Variants in UVRAG observed in about 807,000 individuals in gnomAD.
UVRAG encodes UV radiation resistance associated, also known as UV radiation resistance-associated gene protein.
Under a neutral mutation model 78.0 loss-of-function variants are expected in UVRAG, and 19 were observed. The observed-to-expected ratio is 0.24, with a 90% CI of 0.17 to 0.36. UVRAG has a LOEUF of 0.36. UVRAG is among the 10% of genes least tolerant of loss of function. UVRAG has a pLI of 1.00. For synonymous variants in UVRAG, 323 were observed against 324.6 expected (o/e 1.00, Z 0.05); for missense variants, 740 against 853.8 (o/e 0.87, Z 1.66).
chr11:76,128,363 G>T (rs73500004), intron 14 of UVRAG, among the ~76,000 whole-genome samples: 1 of 152,076 alleles, frequency 6.6e-6, no homozygotes, highest in Admixed American at 6.6e-5. Context: ...CCCTGCCCAC[G>T]GCCCATGGAA....
chr11:75,925,011 A>G (rs1419725531), intron 6 of UVRAG, among the ~76,000 whole-genome samples: 1 of 152,208 alleles, frequency 6.6e-6, no homozygotes, highest in Non-Finnish European at 1.5e-5. Context: ...AGTTAAGTAT[A>G]TGTAGTCTTC....
At chr11:76,006,908 A>G (rs1348320488) in intron 9 of UVRAG, among the ~76,000 whole-genome samples, 3 of 152,166 alleles carry the variant, frequency 2.0e-5, no homozygotes, top group African/African-American at 7.2e-5. Flanking sequence ...CTCTCTAAAT[A>G]TTGTTTCCTT....
intron 6 of UVRAG, among the ~76,000 whole-genome samples, chr11:75,931,105 G>GT (rs934350274): frequency 1.3e-5 from 2 of 150,828 alleles, no homozygotes; most frequent in East Asian, 1.9e-4. Context: ...TTCATTTTAT[G>GT]TTTTTTTGGG....
intron 12 of UVRAG, among the ~76,000 whole-genome samples, chr11:76,039,244 G>C (rs1355568696): frequency 1.3e-5 from 2 of 152,230 alleles, no homozygotes; most frequent in East Asian, 3.9e-4. Flanking sequence ...TGTGGTACTT[G>C]GTAAAGCATC....
chr11:76,030,186 C>A (rs1190637193), intron 12 of UVRAG, among the ~76,000 whole-genome samples: 1 of 151,560 alleles, frequency 6.6e-6, no homozygotes, highest in Non-Finnish European at 1.5e-5. Flanking sequence ...TATTGAGATA[C>A]TCACTTTATT....
intron 4 of UVRAG, among the ~76,000 whole-genome samples, chr11:75,884,998 GT>G (rs1372009973): frequency 6.7e-5 from 10 of 150,100 alleles, no homozygotes; most frequent in African/African-American, 2.5e-4. Flanking sequence ...GAGTCTTTCA[GT>G]CTATAGATAT....
chr11:75,946,539 C>G (rs539499285), intron 6 of UVRAG, among the ~76,000 whole-genome samples: 2 of 152,322 alleles, frequency 1.3e-5, no homozygotes, highest in Admixed American at 1.3e-4. Context: ...ACTTGGTTCT[C>G]TGCTTATGGT....
intron 6 of UVRAG, among the ~76,000 whole-genome samples, chr11:75,928,177 C>G (rs568400145): frequency 1.2e-4 from 19 of 152,142 alleles, no homozygotes; most frequent in Non-Finnish European, 2.4e-4. Context: ...AGCTGTGATC[C>G]AGCAATCAGA....
chr11:76,018,161 T>C (rs1950180919), intron 12 of UVRAG, among the ~76,000 whole-genome samples: 1 of 152,208 alleles, frequency 6.6e-6, no homozygotes, highest in African/African-American at 2.4e-5. Context: ...GTAAAGGTAC[T>C]AATTTATATT....
At chr11:75,960,461 A>G (rs1466556542) in intron 6 of UVRAG, among the ~76,000 whole-genome samples, 1 of 152,218 alleles carries the variant, frequency 6.6e-6, no homozygotes, top group African/African-American at 2.4e-5. Flanking sequence ...TAAGAAATAC[A>G]TGAGCTATAT....
chr11:76,130,297 T>G (rs1952491205), intron 14 of UVRAG, among the ~76,000 whole-genome samples: 1 of 152,188 alleles, frequency 6.6e-6, no homozygotes, highest in South Asian at 2.1e-4. Flanking sequence ...TGTTTGACAT[T>G]GATGTATGTG....
intron 6 of UVRAG, among the ~76,000 whole-genome samples, chr11:75,917,239 C>T (rs1014452732): frequency 1.3e-5 from 2 of 152,174 alleles, no homozygotes; most frequent in Admixed American, 1.3e-4. Flanking sequence ...TGATTTCTGT[C>T]ACTCATAATT....
At chr11:76,005,769 C>T (rs563615194) in intron 9 of UVRAG, among the ~76,000 whole-genome samples, 52 of 152,294 alleles carry the variant, frequency 3.4e-4, no homozygotes, top group African/African-American at 1.2e-3. Flanking sequence ...TCCTTGGATT[C>T]GATTAATTTG....
At chr11:75,838,997 G>C (rs1319313263) in intron 1 of UVRAG, 1 of 152,230 alleles carries the variant, frequency 6.6e-6, no homozygotes, top group African/African-American at 2.4e-5. Context: ...CAGCAAAAAG[G>C]CTCTCACCAG....
At chr11:76,088,418 C>T (rs1951632010) in intron 13 of UVRAG, among the ~76,000 whole-genome samples, 1 of 152,090 alleles carries the variant, frequency 6.6e-6, no homozygotes, top group Admixed American at 6.5e-5. Context: ...ACCTTGTCAT[C>T]GTTTTCCATA....
At chr11:76,073,108 A>G (rs991717252) in intron 13 of UVRAG, among the ~76,000 whole-genome samples, 4 of 152,186 alleles carry the variant, frequency 2.6e-5, no homozygotes, top group Admixed American at 2.0e-4. Flanking sequence ...ATGGGGTTCA[A>G]TTAAGAATGT....
chr11:75,936,853 A>G (rs1948383025), intron 6 of UVRAG, among the ~76,000 whole-genome samples: 1 of 152,040 alleles, frequency 6.6e-6, no homozygotes, highest in African/African-American at 2.4e-5. Flanking sequence ...CAGCTCCTCA[A>G]ACTCAAGGGA....
At chr11:75,966,099 C>T (rs2135220832) in intron 7 of UVRAG, among the ~76,000 whole-genome samples, 1 of 152,156 alleles carries the variant, frequency 6.6e-6, no homozygotes, top group African/African-American at 2.4e-5. Context: ...GATGGTTTTT[C>T]TATATCCATT....
chr11:75,874,524 T>C (rs1324282604), intron 3 of UVRAG, among the ~76,000 whole-genome samples: 1 of 152,356 alleles, frequency 6.6e-6, no homozygotes, highest in East Asian at 1.9e-4. Context: ...TGATGAAATA[T>C]GGTATTTCGT....
Sources: gnomAD v4.1 joint callset for allele counts (sites outside exome capture counted in the v4.1 genomes callset) on GRCh38, gnomAD v4.1.1 for gene constraint, MANE v1.5 for transcripts, NCBI Gene and HGNC (gene_info 2026-07-23, HGNC 2026-07-21) for gene names.